CDC40: variants seen among roughly 807,000 people sequenced by gnomAD.
CDC40 encodes the protein cell division cycle 40.
CDC40 carries 27 observed loss-of-function variants against 80.6 expected under a neutral mutation model. The ratio of observed to expected loss-of-function variants is 0.33; its 90% confidence interval spans 0.25 to 0.46. The LOEUF is 0.46. Among genes scored for constraint, CDC40 ranks in the 20% least tolerant of loss-of-function variants. The probability of loss-of-function intolerance (pLI) is 1.00; values close to 1 mark genes in which losing one functional copy is unlikely to be tolerated. For missense variants in CDC40, 486 were observed against 694.1 expected (o/e 0.70, Z 3.37); for synonymous variants, 221 against 232.6 (o/e 0.95, Z 0.45).
intron 3 of CDC40, among the ~76,000 whole-genome samples, chr6:110,204,203 G>A (rs967655128): frequency 2.0e-5 from 3 of 151,820 alleles, no homozygotes; most frequent in African/African-American, 4.8e-5. Context: ...TAGTAGAGAC[G>A]GGGTTTCACC....
At chr6:110,185,125 T>G (rs1331811200) in intron 1 of CDC40, among the ~76,000 whole-genome samples, 1 of 152,218 alleles carries the variant, frequency 6.6e-6, no homozygotes, top group Non-Finnish European at 1.5e-5. Flanking sequence ...GACCAGGGAT[T>G]GGCAAACTTC....
At chr6:110,195,818 A>C (rs2078784945) in intron 2 of CDC40, among the ~76,000 whole-genome samples, 1 of 152,180 alleles carries the variant, frequency 6.6e-6, no homozygotes, top group African/African-American at 2.4e-5. Context: ...AGATAAGACT[A>C]GGATGGTACT....
intron 12 of CDC40, among the ~76,000 whole-genome samples, chr6:110,220,533 C>T (rs562170893): frequency 1.9e-4 from 29 of 149,848 alleles, no homozygotes; most frequent in Middle Eastern, 3.5e-3. Flanking sequence ...CAAGCTCCGC[C>T]TCCCGGGTTC....
intron 14 of CDC40, among the ~76,000 whole-genome samples, chr6:110,229,676 T>C (rs1367031287): frequency 2.0e-5 from 3 of 152,168 alleles, no homozygotes; most frequent in African/African-American, 7.2e-5. Context: ...TCTGACTATC[T>C]AGAGACTGAT....
rs1395275158 is a variant in CDC40 at position 110,230,741 on chromosome 6, C to G, written c.*610C>G. 1 of 152,082 alleles carries G rather than the reference C, an allele frequency of 6.6e-6. No individual in the cohort carries two copies. The highest frequency in any genetic ancestry group is 1.5e-5 in the Non-Finnish European group (1 of 68,456). 9.4% of individuals were successfully genotyped at this position (152,082 alleles called of 1,614,324 possible). On this transcript the variant is annotated 3_prime_UTR_variant, in exon 15 of 15. Coordinates refer to ENST00000307731, the MANE Select transcript of CDC40 (RefSeq NM_015891.3). ...TAAACAGTGAAAAATCAAAATCAGT[C>G]CAGAGTTCTTTTGTTGACTTAATTC...
intron 12 of CDC40, among the ~76,000 whole-genome samples, chr6:110,225,405 G>A (rs1336877189): frequency 6.6e-6 from 1 of 150,654 alleles, no homozygotes; most frequent in East Asian, 1.9e-4. Context: ...AAATTTAGGT[G>A]GCTACTTTTT....
intron 6 of CDC40, 135 bp downstream of exon 6, chr6:110,210,938 A>T: frequency 2.8e-6 from 1 of 361,570 alleles, no homozygotes; most frequent in Non-Finnish European, 5.0e-6. Context: ...GTGTTGGACA[A>T]TTTGTATCCC....
At chr6:110,199,309 G>T (rs77500542) in intron 2 of CDC40, among the ~76,000 whole-genome samples, 3,218 of 152,142 alleles carry the variant, frequency 0.021, 49 homozygotes, top group Middle Eastern at 0.048. Context: ...AGTGGAGCTA[G>T]TGGCGGGGCG....
At chr6:110,219,028 T>C (rs1326337535) in intron 10 of CDC40, among the ~76,000 whole-genome samples, 1 of 152,126 alleles carries the variant, frequency 6.6e-6, no homozygotes, top group Non-Finnish European at 1.5e-5. Context: ...AATCATACCA[T>C]TTTTTCTCTT....
chr6:110,210,707 GA>G lies in CDC40; in HGVS notation c.633del (p.Glu212SerfsTer114), dbSNP rs746200903. The G allele has an allele frequency of 2.0e-6, 3 of 1,529,614 alleles. No homozygotes were observed. The highest frequency in any genetic ancestry group is 2.6e-6 in the Non-Finnish European group (3 of 1,139,618). 94.8% of individuals were successfully genotyped at this position (1,529,614 alleles called of 1,614,324 possible). ...AAATTTCACTCCTTAATTTTCTTAG[GA>G]AGAGCAAAAAGAATTGGATGAAATC... Reference protein sequence around the residue: ...DEKDVAKPSEEEQKELDEITA... With the variant: ...DEKDVAKPSEXEQKELDEITA... On this transcript the variant is annotated frameshift_variant and splice_region_variant, in exon 6 of 15. Transcript: ENST00000307731. LOFTEE classifies it high-confidence loss of function.
At chr6:110,226,390 A>G (rs1349988381) in intron 13 of CDC40, 147 bp downstream of exon 13, 2 of 446,010 alleles carry the variant, frequency 4.5e-6, no homozygotes, top group Admixed American at 4.0e-5. Flanking sequence ...AATATTAGAA[A>G]GAATTACTGG....
At chr6:110,208,498 C>T (rs1024214754) in intron 4 of CDC40, among the ~76,000 whole-genome samples, 4 of 152,060 alleles carry the variant, frequency 2.6e-5, no homozygotes, top group Non-Finnish European at 5.9e-5. Flanking sequence ...TTACTGTTAA[C>T]GTTAATGATA....
chr6:110,192,462 C>G (rs1056128157), intron 1 of CDC40, among the ~76,000 whole-genome samples: 1 of 152,168 alleles, frequency 6.6e-6, no homozygotes, highest in African/African-American at 2.4e-5. Context: ...GGGGAGGCCA[C>G]GAGCTCCCTT....
intron 1 of CDC40, among the ~76,000 whole-genome samples, chr6:110,191,208 G>GT (rs1473577129): frequency 2.0e-5 from 3 of 152,084 alleles, no homozygotes; most frequent in Non-Finnish European, 2.9e-5. Flanking sequence ...TTTCTTGTTG[G>GT]TTTTTTAGTC....
intron 1 of CDC40, among the ~76,000 whole-genome samples, chr6:110,188,053 G>A (rs1777297906): frequency 6.6e-6 from 1 of 152,172 alleles, no homozygotes; most frequent in South Asian, 2.1e-4. Context: ...GTCAGAGACT[G>A]GGACTTACTT....
At chr6:110,216,641 G>A (rs989186241) in intron 9 of CDC40, among the ~76,000 whole-genome samples, 4 of 152,166 alleles carry the variant, frequency 2.6e-5, no homozygotes, top group African/African-American at 9.7e-5. Context: ...CGTACCTCCT[G>A]ATGGGAGTTC....
At chr6:110,223,619 T>A (rs1015158143) in intron 12 of CDC40, among the ~76,000 whole-genome samples, 1 of 152,076 alleles carries the variant, frequency 6.6e-6, no homozygotes, top group African/African-American at 2.4e-5. Flanking sequence ...TATGGGAAAA[T>A]TAGCAACACT....
At position 110,215,212 on chromosome 6, in the gene CDC40, T is replaced by C. The variant is rs894861899; in HGVS notation, c.943-74T>C. The C allele has an allele frequency of 3.5e-5, 40 of 1,145,518 alleles. 1 individual carries two copies. The African/African-American group carries it at 5.8e-4, about 17-fold the overall frequency. The allele number at this position is 1,145,518 out of a possible 1,614,324, so 71.0% of individuals were successfully genotyped here. A position where few individuals can be genotyped will look rare whatever the true frequency, so the allele number is the denominator to read the frequency against. ...CAGATGTGCACACACATAACCAGCATAGGGCTGTTGTTATTAATTGAAGGA... is the reference window on the plus strand; with the variant it reads ...CAGATGTGCACACACATAACCAGCACAGGGCTGTTGTTATTAATTGAAGGA... On this transcript the variant is annotated intron_variant, in intron 8 of 14. Coordinates refer to ENST00000307731, the MANE Select transcript of CDC40 (RefSeq NM_015891.3).
intron 1 of CDC40, among the ~76,000 whole-genome samples, chr6:110,186,682 T>G (rs1777275090): frequency 6.6e-6 from 1 of 152,208 alleles, no homozygotes; most frequent in South Asian, 2.1e-4. Flanking sequence ...GTGATTTTCT[T>G]TTTTCTTTTG....
Sources: gnomAD v4.1 joint callset for allele counts (sites outside exome capture counted in the v4.1 genomes callset) on GRCh38, gnomAD v4.1.1 for gene constraint, MANE v1.5 for transcripts, NCBI Gene and HGNC (gene_info 2026-07-23, HGNC 2026-07-21) for gene names.